The following ITPK1 variants were observed in gnomAD, a reference collection of about 807,000 sequenced individuals.
ITPK1 encodes inositol-tetrakisphosphate 1-kinase.
ITPK1 carries 21 observed loss-of-function variants against 45.3 expected under a neutral mutation model. The observed-to-expected ratio is 0.46, with a 90% CI of 0.33 to 0.67. The LOEUF (loss-of-function observed/expected upper bound fraction) is 0.67, where lower values mean the gene tolerates loss of function less well. Ranked by LOEUF, ITPK1 falls within the 30% of genes least tolerant of loss-of-function variation. The probability of loss-of-function intolerance (pLI) is 0.02; values close to 1 mark genes in which losing one functional copy is unlikely to be tolerated. For missense variants in ITPK1, 474 were observed against 573.5 expected (o/e 0.83, Z 1.77); for synonymous variants, 258 against 253.6 (o/e 1.02, Z -0.16).
In ITPK1 at chr14:93,087,736, C is replaced by A. The variant is rs202080826; in HGVS notation, c.96-11117G>T. 1.1e-4 allele frequency among the ~76,000 whole-genome samples: 17 copies of A among 152,290 alleles called. No homozygotes were observed. In the East Asian group the frequency reaches 3.1e-3, roughly 28 times the overall value. On this transcript the variant is annotated intron_variant, in intron 2 of 10. Coordinates refer to ENST00000267615, the MANE Select transcript of ITPK1 (RefSeq NM_014216.6). ...CGCCTGGAAGCATTCATGTGTCAGG[C>A]AGGAATGAATGAGGACCTGTCAGGA...
At chr14:93,058,394 T>C (rs1400049167) in intron 3 of ITPK1, among the ~76,000 whole-genome samples, 120 of 63,696 alleles carry the variant, frequency 1.9e-3, no homozygotes, top group Middle Eastern at 9.4e-3. Context: ...GGAGGGGGTG[T>C]AGGTCGCAAC....
intron 5 of ITPK1, among the ~76,000 whole-genome samples, chr14:92,980,041 A>G (rs1184477400): frequency 2.0e-5 from 3 of 152,120 alleles, no homozygotes. Context: ...TCAGCCTCTC[A>G]AAGTGCTGGG....
chr14:93,044,732 G>C (rs1384076637), intron 3 of ITPK1, among the ~76,000 whole-genome samples: 1 of 152,254 alleles, frequency 6.6e-6, no homozygotes, highest in Non-Finnish European at 1.5e-5. Context: ...GAGGGAAGAA[G>C]GGTGTGGCCT....
At position 92,938,152 on chromosome 14, in the gene ITPK1, G is replaced by A. The variant is rs1887202000; in HGVS notation, c.*3409C>T. ...TTTTTGTATTTTTAGTAGAGATGGG[G>A]TTTCACCATGTTGGCCAGGATGGTG... On this transcript the variant is annotated 3_prime_UTR_variant, in exon 11 of 11. Coordinates refer to ENST00000267615, the MANE Select transcript of ITPK1 (RefSeq NM_014216.6). The A allele has an allele frequency of 5.5e-6, 2 of 362,172 alleles. No homozygotes were observed. The highest frequency in any genetic ancestry group is 4.2e-5 in the African/African-American group (2 of 47,532). 22.4% of individuals were successfully genotyped at this position (362,172 alleles called of 1,614,324 possible).
chr14:93,064,908 C>G (rs752378277), intron 3 of ITPK1, among the ~76,000 whole-genome samples: 2 of 152,190 alleles, frequency 1.3e-5, no homozygotes, highest in Non-Finnish European at 2.9e-5. Flanking sequence ...TCTGGATTTA[C>G]ACAGCTTTTG....
At position 92,940,254 on chromosome 14, in the gene ITPK1, C is replaced by T; in HGVS notation, c.*1307G>A. 1 of 986,732 alleles carries T rather than the reference C, an allele frequency of 1.0e-6. No individual in the cohort carries two copies. The highest frequency in any genetic ancestry group is 1.2e-6 in the Non-Finnish European group (1 of 830,810). 61.1% of individuals were successfully genotyped at this position (986,732 alleles called of 1,614,324 possible). A position where few individuals can be genotyped will look rare whatever the true frequency, so the allele number is the denominator to read the frequency against. The stretch of plus-strand genomic sequence containing the variant: ...TTTTTCACTTTTTCAAAGTAAACTG[C>T]TATCTTAAGACACAAAAACATACTT... On this transcript the variant is annotated 3_prime_UTR_variant, in exon 11 of 11. Coordinates refer to ENST00000267615, the MANE Select transcript of ITPK1 (RefSeq NM_014216.6).
At chr14:92,967,539 T>C (rs1389674454) in intron 5 of ITPK1, among the ~76,000 whole-genome samples, 2 of 152,220 alleles carry the variant, frequency 1.3e-5, no homozygotes, top group Non-Finnish European at 1.5e-5. Flanking sequence ...AGTGACCATA[T>C]GATCCAGCAA....
chr14:93,028,155 G>A (rs10137684), intron 3 of ITPK1, among the ~76,000 whole-genome samples: 20,687 of 152,254 alleles, frequency 0.14, 1,584 homozygotes, highest in South Asian at 0.27. Context: ...GGGAGCAGAC[G>A]TAGTGGGTGC....
At chr14:93,008,767 T>G (rs1415614259) in intron 4 of ITPK1, among the ~76,000 whole-genome samples, 44 of 152,208 alleles carry the variant, frequency 2.9e-4, no homozygotes, top group Admixed American at 2.7e-3. Context: ...CGTTGGGAAG[T>G]CATGCCACTC....
intron 4 of ITPK1, among the ~76,000 whole-genome samples, chr14:93,007,620 A>ATCCAGCCACCCGAGTCTTCTAGTT (rs1437484057): frequency 2.0e-5 from 3 of 152,190 alleles, no homozygotes; most frequent in Non-Finnish European, 4.4e-5. Flanking sequence ...TCACCTCTGC[A>ATCCAGCCACCCGAGTCTTCTAGTT]TCCAGCCACC....
intron 3 of ITPK1, chr14:93,070,580 G>C (rs1365857966): frequency 6.6e-6 from 1 of 152,266 alleles, no homozygotes; most frequent in Non-Finnish European, 1.5e-5. Context: ...GTTGAGCTCT[G>C]TCAGGCCTTG....
chr14:93,020,865 G>A (rs770413399), intron 3 of ITPK1, among the ~76,000 whole-genome samples: 43 of 151,986 alleles, frequency 2.8e-4, no homozygotes, highest in Non-Finnish European at 4.7e-4. Flanking sequence ...ACACTTGCTC[G>A]GTGCCAGGCT....
intron 3 of ITPK1, among the ~76,000 whole-genome samples, chr14:93,030,916 G>A (rs1307899346): frequency 1.3e-5 from 2 of 152,188 alleles, no homozygotes; most frequent in African/African-American, 4.8e-5. Context: ...AACATCGTGA[G>A]GAGATGAAGG....
intron 3 of ITPK1, among the ~76,000 whole-genome samples, chr14:93,028,284 T>C (rs767315058): frequency 6.6e-6 from 1 of 152,236 alleles, no homozygotes; most frequent in Non-Finnish European, 1.5e-5. Context: ...ACACAGATTC[T>C]TGAGTCACTG....
At chr14:93,041,227 G>C (rs1181106023) in intron 3 of ITPK1, among the ~76,000 whole-genome samples, 1 of 152,172 alleles carries the variant, frequency 6.6e-6, no homozygotes, top group Non-Finnish European at 1.5e-5. Context: ...GGCTTCCACT[G>C]CCCGGCCAGG....
chr14:93,101,981 G>A (rs962478600), intron 2 of ITPK1, among the ~76,000 whole-genome samples: 1 of 152,238 alleles, frequency 6.6e-6, no homozygotes, highest in Non-Finnish European at 1.5e-5. Context: ...TCCAGAGACA[G>A]GAGCCACTGC....
Position 92,993,957 on chromosome 14 carries a change from G to A in ITPK1, c.287C>T (p.Pro96Leu), listed in dbSNP as rs909342920. The A allele has an allele frequency of 2.5e-6, 4 of 1,613,816 alleles. No individual in the cohort carries two copies. The highest frequency in any genetic ancestry group is 2.5e-6 in the Non-Finnish European group (3 of 1,179,882). Residue 96 changes from proline (P) to leucine (L), a missense_variant, in exon 5 of 11, where the codon CCG (proline) becomes CTG (leucine). This residue lies in a region of ITPK1 where 367 missense variants were observed against 480.6 expected (regional missense o/e 0.76). Coordinates refer to ENST00000267615, the MANE Select transcript of ITPK1 (RefSeq NM_014216.6). ...DAHPETIVLD[P>L]LPAIRTLLDR... is the part of the protein sequence containing the mutation. ...AAGCAGGGTTCTGATGGCAGGGAGC[G>A]GGTCCAGGACGATGGTCTCAGGGTG... is the stretch of plus-strand genomic sequence containing the variant.
At chr14:93,039,082 C>T (rs1437446431) in intron 3 of ITPK1, among the ~76,000 whole-genome samples, 7 of 152,186 alleles carry the variant, frequency 4.6e-5, no homozygotes, top group African/African-American at 1.7e-4. Context: ...ATGGCTACAG[C>T]GTCCGCCTGC....
intron 7 of ITPK1, among the ~76,000 whole-genome samples, chr14:92,961,423 C>T (rs571454037): frequency 3.9e-5 from 6 of 152,290 alleles, no homozygotes; most frequent in South Asian, 4.1e-4. Flanking sequence ...TCAAGGTGGC[C>T]GGGAACATCA....
Sources: gnomAD v4.1 joint callset for allele counts (sites outside exome capture counted in the v4.1 genomes callset) on GRCh38, gnomAD v4.1.1 for gene constraint, gnomAD v4.1.1 regional missense constraint, MANE v1.5 for transcripts, NCBI Gene and HGNC (gene_info 2026-07-23, HGNC 2026-07-21) for gene names.